SLCO1A2: variants seen among roughly 807,000 people sequenced by gnomAD.
SLCO1A2 encodes the protein solute carrier organic anion transporter family member 1A2, also known as OATP-1.
SLCO1A2 carries 67 observed loss-of-function variants against 69.0 expected under a neutral mutation model. The observed-to-expected ratio is 0.97, with a 90% CI of 0.80 to 1.19. The LOEUF (loss-of-function observed/expected upper bound fraction) is 1.19. Ranked by LOEUF, SLCO1A2 falls within the 50% of genes most tolerant of loss-of-function variation. The probability of loss-of-function intolerance (pLI) is 0.00; values close to 1 mark genes in which losing one functional copy is unlikely to be tolerated. For synonymous variants in SLCO1A2, 260 were observed against 265.9 expected (o/e 0.98, Z 0.22); for missense variants, 787 against 793.7 (o/e 0.99, Z 0.10).
chr12:21,390,604 A>T (rs558674064), intron 1 of SLCO1A2, among the ~76,000 whole-genome samples: 138 of 152,240 alleles, frequency 9.1e-4, no homozygotes, highest in African/African-American at 3.2e-3. Context: ...ACATTTTGGA[A>T]CACCCAAGCT....
chr12:21,416,247 G>T (rs1025298799), intron 1 of SLCO1A2, among the ~76,000 whole-genome samples: 1 of 151,720 alleles, frequency 6.6e-6, no homozygotes, highest in African/African-American at 2.4e-5. Flanking sequence ...GGAAATATTG[G>T]CTAATCTGTC....
rs1350771937 is a variant in SLCO1A2, at chr12:21,267,370, A to G, written c.*2178T>C. ...CACCTCAAATCTATCAATAGGGATG[A>G]TGAATGGGCCTCAGGAGCTTGAGTA... is the stretch of plus-strand genomic sequence containing the variant. On this transcript the variant is annotated 3_prime_UTR_variant, in exon 15 of 15. Transcript: ENST00000683939. The G allele has an allele frequency of 6.6e-6, 1 of 152,112 alleles. No homozygotes were observed. The highest frequency in any genetic ancestry group is 1.5e-5 in the Non-Finnish European group (1 of 68,012). The allele number at this position is 152,112 out of a possible 1,614,324, so 9.4% of individuals were successfully genotyped here.
intron 2 of SLCO1A2, chr12:21,373,367 C>A (rs1368478122): frequency 1.2e-6 from 2 of 1,612,876 alleles, no homozygotes; most frequent in Non-Finnish European, 1.7e-6. Flanking sequence ...CATCCTGAAG[C>A]TGCAAGTATT....
intron 2 of SLCO1A2, among the ~76,000 whole-genome samples, chr12:21,349,898 T>C (rs971523204): frequency 6.6e-6 from 1 of 152,182 alleles, no homozygotes; most frequent in Non-Finnish European, 1.5e-5. Context: ...TTGCTACTTG[T>C]TTAAAGTTGT....
chr12:21,343,808 A>G (rs942625145), intron 2 of SLCO1A2, among the ~76,000 whole-genome samples: 1 of 152,126 alleles, frequency 6.6e-6, no homozygotes, highest in African/African-American at 2.4e-5. Context: ...GAAAATGTTA[A>G]TAATGGACAT....
chr12:21,331,622 TAA>T (rs11313789), intron 2 of SLCO1A2, among the ~76,000 whole-genome samples: 56 of 145,790 alleles, frequency 3.8e-4, no homozygotes, highest in African/African-American at 1.2e-3. Flanking sequence ...ATCGCTGAGA[TAA>T]AAAAAAAAAC....
At chr12:21,324,213 A>G (rs1952007767) in intron 2 of SLCO1A2, among the ~76,000 whole-genome samples, 2 of 152,248 alleles carry the variant, frequency 1.3e-5, no homozygotes, top group Admixed American at 1.3e-4. Flanking sequence ...GAAATAATTC[A>G]TGATTCAATC....
At chr12:21,419,412 A>T (rs776185185), upstream of SLCO1A2, 1 of 153,568 alleles carries the variant, frequency 6.5e-6, no homozygotes, top group African/African-American at 2.4e-5. Flanking sequence ...CTTGGGAAGC[A>T]CAAGGGGTCA....
intron 2 of SLCO1A2, among the ~76,000 whole-genome samples, chr12:21,333,262 A>G (rs4148984): frequency 0.37 from 56,290 of 151,658 alleles, 11,078 homozygotes; most frequent in African/African-American, 0.51. Flanking sequence ...CCCCTAAAAC[A>G]CATGGGTTGC....
At chr12:21,283,782 T>C (rs1160774014) in intron 12 of SLCO1A2, among the ~76,000 whole-genome samples, 1 of 152,088 alleles carries the variant, frequency 6.6e-6, no homozygotes, top group Non-Finnish European at 1.5e-5. Context: ...CTCAGAAGAA[T>C]AAATACAAAT....
At chr12:21,406,676 G>C (rs1015066949) in intron 1 of SLCO1A2, among the ~76,000 whole-genome samples, 3 of 152,170 alleles carry the variant, frequency 2.0e-5, no homozygotes, top group Non-Finnish European at 4.4e-5. Flanking sequence ...TAGGACACAG[G>C]TACAGATAGG....
chr12:21,312,675 T>A (rs1043472654), intron 4 of SLCO1A2, among the ~76,000 whole-genome samples: 7 of 152,130 alleles, frequency 4.6e-5, no homozygotes, highest in Non-Finnish European at 1.0e-4. Flanking sequence ...CTAATTTCAA[T>A]ATTTTTGTAT....
At chr12:21,409,529 T>C (rs535789284) in intron 1 of SLCO1A2, among the ~76,000 whole-genome samples, 76 of 152,266 alleles carry the variant, frequency 5.0e-4, no homozygotes, top group Non-Finnish European at 1.0e-3. Context: ...AATATAATAA[T>C]ATTATATTTA....
rs571429773 is a variant in SLCO1A2 at position 21,366,196 on chromosome 12, A to C, written c.-63+8203T>G. Among the ~76,000 whole-genome samples the C allele has an allele frequency of 3.9e-5, 6 of 152,348 alleles. 1 individual carries two copies. The South Asian group carries it at 6.2e-4, about 16-fold the overall frequency. On this transcript the variant is annotated intron_variant, in intron 2 of 15. Transcript: ENST00000307378. The stretch of plus-strand genomic sequence containing the variant: ...TGGATTAAGAAAATGTGGCACATAT[A>C]CACCATGGAACATTATGCAGCCATA...
chr12:21,367,430 A>G (rs2079343874), intron 2 of SLCO1A2, among the ~76,000 whole-genome samples: 1 of 152,156 alleles, frequency 6.6e-6, no homozygotes, highest in Non-Finnish European at 1.5e-5. Context: ...CAGTTTGGAG[A>G]AAAGCAGAAG....
Position 21,416,317 on chromosome 12 carries a change from A to G in SLCO1A2, c.-312+1565T>C, listed in dbSNP as rs544022756. Among the ~76,000 whole-genome samples, 258 of 151,620 alleles carry G rather than the reference A, an allele frequency of 1.7e-3. 1 individual carries two copies. The highest frequency in any genetic ancestry group is 3.3e-3 in the Non-Finnish European group (223 of 67,886). On this transcript the variant is annotated intron_variant, in intron 1 of 4. Transcript: ENST00000413682. ...TCTGTCAGTCACAATTAAATCAGGA[A>G]AGGGAAATAATGAATGAAGATTCAC...
chr12:21,288,312 A>G (rs1946288621), intron 12 of SLCO1A2, among the ~76,000 whole-genome samples: 1 of 152,224 alleles, frequency 6.6e-6, no homozygotes, highest in Admixed American at 6.5e-5. Context: ...GTGGTGGTGC[A>G]TGCCTGTAGT....
intron 1 of SLCO1A2, chr12:21,378,288 C>A (rs757281888): frequency 6.2e-7 from 1 of 1,614,078 alleles, no homozygotes; most frequent in Non-Finnish European, 8.5e-7. Flanking sequence ...CAACGCAGCG[C>A]CTGGCAAATT....
intron 6 of SLCO1A2, among the ~76,000 whole-genome samples, chr12:21,302,284 C>A (rs540082197): frequency 5.3e-5 from 8 of 152,022 alleles, no homozygotes; most frequent in Non-Finnish European, 1.0e-4. Context: ...AATTTAGTGT[C>A]TTTTTTTGGT....
Sources: gnomAD v4.1 joint callset for allele counts (sites outside exome capture counted in the v4.1 genomes callset) on GRCh38, gnomAD v4.1.1 for gene constraint, MANE v1.5 for transcripts, NCBI Gene and HGNC (gene_info 2026-07-23, HGNC 2026-07-21) for gene names.